The following PRDM11 variants were observed in gnomAD, a reference collection of about 807,000 sequenced individuals.
PRDM11 encodes the protein PR domain-containing protein 11.
In PRDM11, 20 loss-of-function variants were observed where a neutral mutation model predicts 97.8. The ratio of observed to expected loss-of-function variants is 0.20; its 90% CI spans 0.14 to 0.30. The LOEUF is 0.30. Ranked by LOEUF, PRDM11 falls within the 10% of genes least tolerant of loss-of-function variation. The pLI is 1.00. For missense variants in PRDM11, 1,139 were observed against 1,555.2 expected (o/e 0.73, Z 4.50); for synonymous variants, 599 against 637.7 (o/e 0.94, Z 0.91).
chr11:45,221,595 G>T (rs1048432312), intron 6 of PRDM11, among the ~76,000 whole-genome samples: 2 of 152,108 alleles, frequency 1.3e-5, no homozygotes, highest in African/African-American at 4.8e-5. Context: ...TCCTCCATGA[G>T]CCCCAAGACC....
chr11:45,180,926 T>TCGC (rs1181693452), intron 1 of PRDM11, among the ~76,000 whole-genome samples: 2 of 151,974 alleles, frequency 1.3e-5, no homozygotes, highest in African/African-American at 4.8e-5. Context: ...CCCCTCCCAG[T>TCGC]CGCCGCCGCC....
chr11:45,100,186 A>T (rs1246289175), intron 1 of PRDM11, among the ~76,000 whole-genome samples: 2 of 152,228 alleles, frequency 1.3e-5, no homozygotes, highest in Admixed American at 6.5e-5. Flanking sequence ...CCAAGGGCTA[A>T]AATGAAATTT....
intron 1 of PRDM11, among the ~76,000 whole-genome samples, chr11:45,152,808 C>G (rs1263283291): frequency 6.6e-6 from 1 of 152,208 alleles, no homozygotes; most frequent in Non-Finnish European, 1.5e-5. Context: ...CACCTGATTC[C>G]TGAGCCCTCC....
At chr11:45,215,308 T>G (rs1853923523) in intron 5 of PRDM11, among the ~76,000 whole-genome samples, 1 of 152,260 alleles carries the variant, frequency 6.6e-6, no homozygotes, top group Non-Finnish European at 1.5e-5. Context: ...AGAGCTTCTC[T>G]CAGGCAGGAA....
intron 1 of PRDM11, among the ~76,000 whole-genome samples, chr11:45,134,144 TAA>T (rs950971288): frequency 4.6e-5 from 7 of 151,492 alleles, no homozygotes; most frequent in African/African-American, 1.7e-4. Flanking sequence ...GTCCTTTGTT[TAA>T]AAATGGGAAG....
At chr11:45,180,758 G>T (rs1275934239) in intron 1 of PRDM11, among the ~76,000 whole-genome samples, 1 of 149,918 alleles carries the variant, frequency 6.7e-6, no homozygotes, top group Admixed American at 6.6e-5. Context: ...GGGAGAGCCC[G>T]CCCGCGCCCG....
intron 5 of PRDM11, chr11:45,209,153 G>A (rs963646582): frequency 1.1e-5 from 5 of 454,698 alleles, no homozygotes; most frequent in Middle Eastern, 3.2e-4. Flanking sequence ...AGTCCCTGTC[G>A]GGCCCTGGGG....
In PRDM11 at chr11:45,219,187, A is replaced by G. The variant is rs1372747300; in HGVS notation, c.555-383A>G. Among the ~76,000 whole-genome samples the G allele has an allele frequency of 6.6e-6, 1 of 152,252 alleles. No individual in the cohort carries two copies. The highest frequency in any genetic ancestry group is 1.5e-5 in the Non-Finnish European group (1 of 68,044). On this transcript the variant is annotated intron_variant, in intron 5 of 7. Coordinates refer to ENST00000683152, the MANE Select transcript of PRDM11 (RefSeq NM_001384648.1). This position sits in a 1 kb window ranked among gnomAD's most constrained non-coding sequence, Gnocchi z 4.2. Reference sequence around the variant, plus strand: ...TTACCACCTTCAGAGGCCTGTGGGTATCTGGGAACCCCAGTGGTTAAAAGT... The same window carrying G: ...TTACCACCTTCAGAGGCCTGTGGGTGTCTGGGAACCCCAGTGGTTAAAAGT...
At chr11:45,149,116 T>C (rs1287506717) in intron 1 of PRDM11, among the ~76,000 whole-genome samples, 1 of 152,196 alleles carries the variant, frequency 6.6e-6, no homozygotes, top group Non-Finnish European at 1.5e-5. Context: ...CCCAGTGTTG[T>C]AGTCAAGCCA....
At chr11:45,096,283 G>T (rs982932310) in intron 1 of PRDM11, among the ~76,000 whole-genome samples, 2 of 152,184 alleles carry the variant, frequency 1.3e-5, no homozygotes, top group African/African-American at 2.4e-5. Flanking sequence ...ATAAATATAG[G>T]TGGAAATGAA....
chr11:45,118,826 C>G (rs1471303914), intron 1 of PRDM11, among the ~76,000 whole-genome samples: 2 of 152,136 alleles, frequency 1.3e-5, no homozygotes, highest in African/African-American at 2.4e-5. Context: ...TATTTCTACT[C>G]AGCATAGCAC....
At chr11:45,177,254 T>C (rs939740905) in intron 1 of PRDM11, among the ~76,000 whole-genome samples, 3 of 152,264 alleles carry the variant, frequency 2.0e-5, no homozygotes, top group Non-Finnish European at 4.4e-5. Flanking sequence ...TGCAGCTCAC[T>C]GCTGGGTTTG....
chr11:45,155,637 C>G (rs1201634344), intron 1 of PRDM11, among the ~76,000 whole-genome samples: 1 of 151,514 alleles, frequency 6.6e-6, no homozygotes, highest in Non-Finnish European at 1.5e-5. Context: ...AGGGGTGCCT[C>G]AAGGAGGGGT....
At chr11:45,101,091 T>A (rs1010552130) in intron 1 of PRDM11, among the ~76,000 whole-genome samples, 1 of 152,106 alleles carries the variant, frequency 6.6e-6, no homozygotes, top group African/African-American at 2.4e-5. Flanking sequence ...GGAAAGCAGC[T>A]TCTCCCTTTC....
chr11:45,182,265 T>C lies in PRDM11; in HGVS notation c.139T>C (p.Ser47Pro), dbSNP rs555298873. 1.3e-4 allele frequency: 206 copies of C among 1,613,938 alleles called. 2 individuals carry two copies. In the South Asian group the frequency reaches 2.1e-3, roughly 16 times the overall value. ...GQPCSRRPDS[S>P]AMEVEPKKLK... is the part of the protein sequence containing the mutation. ...GGCCAGCTCTAGGAGACCGGACTCC[T>C]CGGCCATGGAAGTTGAGCCCAAGAA... Residue 47 changes from serine to proline, a missense_variant, in exon 3 of 8, where the codon TCG (serine) becomes CCG (proline). By Grantham distance (74) the Ser-to-Pro change is moderately conservative. Around this residue, in one of 2 missense-constraint regions of PRDM11, gnomAD observed 429 missense variants for 510.3 expected, o/e 0.84. Transcript: ENST00000683152.
At chr11:45,109,397 T>G (rs1315643345) in intron 1 of PRDM11, among the ~76,000 whole-genome samples, 2 of 152,208 alleles carry the variant, frequency 1.3e-5, no homozygotes, top group Admixed American at 6.5e-5. Context: ...AGCATCACCT[T>G]GGATGTCGCA....
intron 6 of PRDM11, among the ~76,000 whole-genome samples, chr11:45,221,024 A>G (rs751199400): frequency 2.6e-5 from 4 of 152,158 alleles, no homozygotes; most frequent in Non-Finnish European, 4.4e-5. Flanking sequence ...TGACCAACTT[A>G]CTAATTGGAA....
upstream of PRDM11, among the ~76,000 whole-genome samples, chr11:45,144,973 T>C (rs1386725765): frequency 6.6e-6 from 1 of 152,130 alleles, no homozygotes; most frequent in African/African-American, 2.4e-5. Flanking sequence ...ATTCTAATCG[T>C]GGAACCCCTC....
chr11:45,176,095 T>G (rs552012719), intron 1 of PRDM11, among the ~76,000 whole-genome samples: 41 of 152,210 alleles, frequency 2.7e-4, no homozygotes, highest in Non-Finnish European at 5.4e-4. Flanking sequence ...TGTCAAACAA[T>G]TTTTGGCCGG....
Sources: gnomAD v4.1 joint callset for allele counts (sites outside exome capture counted in the v4.1 genomes callset) on GRCh38, gnomAD v4.1.1 for gene constraint, gnomAD v4.1.1 regional missense constraint, Gnocchi (gnomAD v3.1) non-coding constraint, MANE v1.5 for transcripts, NCBI Gene and HGNC (gene_info 2026-07-23, HGNC 2026-07-21) for gene names.